UGT1A10: variants seen among roughly 807,000 people sequenced by gnomAD.
UGT1A10 encodes the protein UDP-glucuronosyltransferase 1A10.
In UGT1A10, 49 loss-of-function variants were observed where a neutral mutation model predicts 45.8. That is an observed-to-expected ratio of 1.07 (90% CI 0.85 to 1.36). The LOEUF (loss-of-function observed/expected upper bound fraction) is 1.36. Among genes scored for constraint, UGT1A10 ranks in the 40% most tolerant of loss-of-function variants. The probability of loss-of-function intolerance (pLI) is 0.00; values close to 1 mark genes in which losing one functional copy is unlikely to be tolerated. For missense variants in UGT1A10, 745 were observed against 668.6 expected, an observed-to-expected ratio of 1.11 and a Z score of -1.26; for synonymous variants, 284 against 249.7, an observed-to-expected ratio of 1.14 and a Z score of -1.29.
At chr2:233,654,629 C>CTGA (rs1457838330) in intron 1 of UGT1A10, among the ~76,000 whole-genome samples, 2 of 152,192 alleles carry the variant, frequency 1.3e-5, no homozygotes, top group Non-Finnish European at 2.9e-5. Flanking sequence ...TGCAAAACTA[C>CTGA]TGATGATTGC....
chr2:233,728,352 A>G (rs1195036531), intron 1 of UGT1A10, among the ~76,000 whole-genome samples: 1 of 152,154 alleles, frequency 6.6e-6, no homozygotes, highest in Non-Finnish European at 1.5e-5. Context: ...GGTGAGCAGG[A>G]GCTCCCTGAA....
rs1692921739 is a variant in UGT1A10 at position 233,744,781 on chromosome 2, G to GA, written c.856-22248dup. Among the ~76,000 whole-genome samples the GA allele has an allele frequency of 2.0e-5, 3 of 151,856 alleles. No individual in the cohort carries two copies. The South Asian group carries it at 6.2e-4, about 31-fold the overall frequency. On this transcript the variant is annotated intron_variant, in intron 1 of 4. Coordinates refer to ENST00000344644, the MANE Select transcript of UGT1A10 (RefSeq NM_019075.4). ...AGTTTTAACTTTGCAAAATTCTCCTGAAAAATTCTTGGGGATCCCTAGGAT... is the reference window on the plus strand; with the variant it reads ...AGTTTTAACTTTGCAAAATTCTCCTGAAAAAATTCTTGGGGATCCCTAGGAT...
intron 1 of UGT1A10, among the ~76,000 whole-genome samples, chr2:233,692,680 G>A (rs577931872): frequency 6.6e-6 from 1 of 152,264 alleles, no homozygotes; most frequent in South Asian, 2.1e-4. Context: ...AATTGGCAGG[G>A]GGTCCTCAGG....
chr2:233,717,072 T>A (rs3806595), intron 1 of UGT1A10, among the ~76,000 whole-genome samples: 15,420 of 152,108 alleles, frequency 0.1, 899 homozygotes, highest in East Asian at 0.2. Flanking sequence ...GCCAGACACG[T>A]AACCAGAAAT....
Position 233,650,987 on chromosome 2 carries a change from C to T in UGT1A10, c.855+13610C>T, listed in dbSNP as rs373167857. On this transcript the variant is annotated intron_variant, in intron 1 of 4. Transcript: ENST00000344644. ...TTGTAACACAGTTGTATGTCTCACA[C>T]ATCGGCAGCTGTTTGGTAAAGGATT... Among the ~76,000 whole-genome samples the T allele has an allele frequency of 3.3e-5, 5 of 152,308 alleles. No individual in the cohort carries two copies. In the East Asian group the frequency reaches 9.6e-4, roughly 29 times the overall value.
intron 1 of UGT1A10, among the ~76,000 whole-genome samples, chr2:233,676,754 T>G (rs2125510075): frequency 6.6e-6 from 1 of 152,264 alleles, no homozygotes; most frequent in South Asian, 2.1e-4. Flanking sequence ...TAAAACTGGG[T>G]TTATAGACTT....
At chr2:233,678,181 G>C (rs2074410927) in intron 1 of UGT1A10, among the ~76,000 whole-genome samples, 1 of 152,150 alleles carries the variant, frequency 6.6e-6, no homozygotes, top group South Asian at 2.1e-4. Flanking sequence ...GAGAGGAAAG[G>C]CTGCAAGAGT....
intron 1 of UGT1A10, among the ~76,000 whole-genome samples, chr2:233,726,123 A>C (rs2125717570): frequency 6.6e-6 from 1 of 152,290 alleles, no homozygotes; most frequent in South Asian, 2.1e-4. Flanking sequence ...CCATGTTCAC[A>C]CCACCTCACT....
At chr2:233,668,520 G>A (rs1431178005) in intron 1 of UGT1A10, among the ~76,000 whole-genome samples, 1 of 152,174 alleles carries the variant, frequency 6.6e-6, no homozygotes, top group African/African-American at 2.4e-5. Context: ...AAACATACGT[G>A]TGCATGTGTC....
chr2:233,648,357 T>A, intron 1 of UGT1A10: 1 of 420,808 alleles, frequency 2.4e-6, no homozygotes. Flanking sequence ...TACTTTGACA[T>A]TACCTTGAAG....
intron 1 of UGT1A10, chr2:233,719,622 C>T: frequency 4.3e-6 from 7 of 1,614,034 alleles, no homozygotes; most frequent in Non-Finnish European, 5.9e-6. Flanking sequence ...CTACCCCAGG[C>T]CGATCATGCC....
intron 1 of UGT1A10, chr2:233,682,877 A>G: frequency 6.6e-7 from 1 of 1,516,812 alleles, no homozygotes; most frequent in Non-Finnish European, 8.8e-7. Context: ...TTTATCATTT[A>G]CATTTGTCCC....
intron 1 of UGT1A10, among the ~76,000 whole-genome samples, chr2:233,722,551 G>C (rs1195630832): frequency 6.6e-6 from 1 of 152,024 alleles, no homozygotes; most frequent in Non-Finnish European, 1.5e-5. Context: ...AGTTTCTTTT[G>C]GTTGATTTGT....
At chr2:233,716,161 G>A (rs1487983369) in intron 1 of UGT1A10, among the ~76,000 whole-genome samples, 1 of 152,116 alleles carries the variant, frequency 6.6e-6, no homozygotes, top group Non-Finnish European at 1.5e-5. Context: ...CCATGGAGAT[G>A]CAGTGCAGCA....
intron 1 of UGT1A10, among the ~76,000 whole-genome samples, chr2:233,688,251 C>T (rs2074884439): frequency 6.6e-6 from 1 of 152,210 alleles, no homozygotes; most frequent in African/African-American, 2.4e-5. Flanking sequence ...TATTTCATTC[C>T]TTTACATGGC....
chr2:233,691,348 C>T (rs1559344873), intron 1 of UGT1A10: 1 of 985,528 alleles, frequency 1.0e-6, no homozygotes, highest in Non-Finnish European at 1.2e-6. Context: ...TCTTCGCATG[C>T]CTTGAACAAT....
At chr2:233,666,834 GT>G (rs1344135314) in intron 1 of UGT1A10, among the ~76,000 whole-genome samples, 1 of 138,828 alleles carries the variant, frequency 7.2e-6, no homozygotes, top group East Asian at 2.1e-4. Flanking sequence ...GGTGTGTGAT[GT>G]TCACCTTCCT....
At chr2:233,680,093 CAA>C (rs1462365086) in intron 1 of UGT1A10, among the ~76,000 whole-genome samples, 38 of 152,092 alleles carry the variant, frequency 2.5e-4, no homozygotes, top group Non-Finnish European at 5.0e-4. Flanking sequence ...AAATGGCAGG[CAA>C]TCATAGCGGC....
rs1007277466 is a variant in UGT1A10 at position 233,747,537 on chromosome 2, A to G, written c.856-19497A>G. On this transcript the variant is annotated intron_variant, in intron 1 of 4. Coordinates refer to ENST00000344644, the MANE Select transcript of UGT1A10 (RefSeq NM_019075.4). ...CTTTGAAACAGAACATTTTCTGAAG[A>G]CATTTTCTAAAAGTATGGCAATTTT... The G allele has an allele frequency of 2.1e-5, 33 of 1,604,828 alleles. No individual in the cohort carries two copies. The Admixed American group carries it at 5.3e-4, about 26-fold the overall frequency.
Sources: allele counts gnomAD v4.1 joint callset (sites outside exome capture counted in the v4.1 genomes callset), GRCh38; gene constraint gnomAD v4.1.1; transcripts MANE v1.5; gene names NCBI Gene and HGNC (gene_info 2026-07-23, HGNC 2026-07-21).